The following NAPEPLD variants were observed in gnomAD, a reference collection of about 807,000 sequenced individuals.
The protein encoded by NAPEPLD is N-acyl-phosphatidylethanolamine-hydrolyzing phospholipase D.
Under a neutral mutation model 38.1 loss-of-function variants are expected in NAPEPLD, and 23 were observed. The ratio of observed to expected loss-of-function variants is 0.60; its 90% CI spans 0.43 to 0.86. The LOEUF is 0.86. Ranked by LOEUF, NAPEPLD falls within the 40% of genes least tolerant of loss-of-function variation. The pLI is 0.00. For missense variants in NAPEPLD, 411 were observed against 476.8 expected, an observed-to-expected ratio of 0.86 and a Z score of 1.28; for synonymous variants, 147 against 162.0, an observed-to-expected ratio of 0.91 and a Z score of 0.71.
chr7:103,134,416 G>A (rs552985611), intron 1 of NAPEPLD, among the ~76,000 whole-genome samples: 3 of 152,230 alleles, frequency 2.0e-5, no homozygotes, highest in South Asian at 2.1e-4. Context: ...TTGGCAGGCC[G>A]AGGCAGGTGG....
chr7:103,141,074 TCCC>T, intron 1 of NAPEPLD, among the ~76,000 whole-genome samples: 1 of 151,790 alleles, frequency 6.6e-6, no homozygotes, highest in Admixed American at 6.6e-5. Context: ...ATCATATTGT[TCCC>T]CCCATCTGCT....
chr7:103,114,214 GT>G (rs1188311369), intron 4 of NAPEPLD, among the ~76,000 whole-genome samples: 1 of 152,168 alleles, frequency 6.6e-6, no homozygotes, highest in East Asian at 1.9e-4. Context: ...ACATTTCTAA[GT>G]TTTGTTTAGA....
chr7:103,106,728 T>C (rs200475355), intron 4 of NAPEPLD, among the ~76,000 whole-genome samples: 3 of 147,820 alleles, frequency 2.0e-5, no homozygotes, highest in East Asian at 3.9e-4. Context: ...AGGGCATCTC[T>C]AAAAAAAAAA....
chr7:103,130,985 G>A (rs1012554869), intron 1 of NAPEPLD, among the ~76,000 whole-genome samples: 1 of 152,142 alleles, frequency 6.6e-6, no homozygotes, highest in Admixed American at 6.5e-5. Context: ...ACTTTACAAA[G>A]AGCAGAAACA....
At chr7:103,113,169 C>T (rs1166530434) in intron 4 of NAPEPLD, among the ~76,000 whole-genome samples, 4 of 152,186 alleles carry the variant, frequency 2.6e-5, no homozygotes, top group South Asian at 2.1e-4. Context: ...TGTGCATACA[C>T]GCACACATAT....
At chr7:103,110,077 A>G (rs1804204283) in intron 4 of NAPEPLD, among the ~76,000 whole-genome samples, 1 of 152,242 alleles carries the variant, frequency 6.6e-6, no homozygotes, top group South Asian at 2.1e-4. Context: ...GACGCAATTA[A>G]TAGCCTACCA....
At chr7:103,139,905 C>G (rs35264264) in intron 1 of NAPEPLD, among the ~76,000 whole-genome samples, 8,268 of 152,190 alleles carry the variant, frequency 0.054, 305 homozygotes, top group South Asian at 0.11. Context: ...TCTTGAGGTT[C>G]TAAGGGACTT....
At chr7:103,143,895 G>A (rs1812011807) in intron 1 of NAPEPLD, among the ~76,000 whole-genome samples, 1 of 152,162 alleles carries the variant, frequency 6.6e-6, no homozygotes, top group South Asian at 2.1e-4. Flanking sequence ...TCAACACACT[G>A]CAGCCTTGAA....
chr7:103,135,733 A>T (rs1236928817), intron 1 of NAPEPLD, among the ~76,000 whole-genome samples: 1 of 59,160 alleles, frequency 1.7e-5, no homozygotes, highest in Non-Finnish European at 3.9e-5. Flanking sequence ...AGATATATGT[A>T]CATATAAATC....
intron 4 of NAPEPLD, among the ~76,000 whole-genome samples, chr7:103,104,920 C>T (rs561726221): frequency 6.6e-6 from 1 of 152,276 alleles, no homozygotes; most frequent in South Asian, 2.1e-4. Flanking sequence ...GCTAACAGTA[C>T]ACACTCACAG....
In NAPEPLD at chr7:103,148,863, T is replaced by C. The variant is rs1249740542; in HGVS notation, c.-69A>G. On this transcript the variant is annotated 5_prime_UTR_variant, in exon 1 of 5. Coordinates refer to ENST00000465647, the MANE Select transcript of NAPEPLD (RefSeq NM_001122838.3). Reference sequence around the variant, plus strand: ...CTGGTAATTTGCAGGGAAGATAGGATCTCAAATCCCAGACAGCTACTCTCC... The same window carrying C: ...CTGGTAATTTGCAGGGAAGATAGGACCTCAAATCCCAGACAGCTACTCTCC... The C allele has an allele frequency of 5.1e-6, 5 of 984,996 alleles. No individual in the cohort carries two copies. In the African/African-American group the frequency reaches 8.8e-5, roughly 17 times the overall value. 61.0% of individuals were successfully genotyped at this position (984,996 alleles called of 1,614,324 possible). A position where few individuals can be genotyped will look rare whatever the true frequency, so the allele number is the denominator to read the frequency against.
rs778607512 is a variant in NAPEPLD at position 103,119,818 on chromosome 7, C to T, written c.700G>A (p.Glu234Lys). The change falls in exon 3 of 5, where the codon GAG becomes AAG. Residue 234 changes from glutamate to lysine, a missense_variant. Transcript: ENST00000465647. Reference protein sequence around the residue: ...CENVIELDWWEENCVPGHDKV... With the variant: ...CENVIELDWWKENCVPGHDKV... ...TCATGTCCGGGGACACAATTCTCCTCCCACCAGTCCAACTCAATCACATTC... is the reference window on the plus strand; with the variant it reads ...TCATGTCCGGGGACACAATTCTCCTTCCACCAGTCCAACTCAATCACATTC... 76 of 1,614,008 alleles carry T rather than the reference C, an allele frequency of 4.7e-5. No homozygotes were observed. Among genetic ancestry groups the T allele is most frequent in the Non-Finnish European group, 6.3e-5 (74 of 1,180,050 alleles).
intron 2 of NAPEPLD, among the ~76,000 whole-genome samples, chr7:103,123,324 A>G (rs1180604984): frequency 6.6e-6 from 1 of 152,240 alleles, no homozygotes; most frequent in Admixed American, 6.5e-5. Flanking sequence ...CATGTGCTCA[A>G]CAAAATTTGT....
chr7:103,141,633 G>T, intron 1 of NAPEPLD: 1 of 899,318 alleles, frequency 1.1e-6, no homozygotes, highest in Non-Finnish European at 1.9e-6. Flanking sequence ...AGCAGCCGGT[G>T]CAGAATCCTC....
intron 4 of NAPEPLD, among the ~76,000 whole-genome samples, chr7:103,104,377 A>G (rs950552590): frequency 6.6e-6 from 1 of 152,206 alleles, no homozygotes; most frequent in Non-Finnish European, 1.5e-5. Context: ...TACAGAAGAG[A>G]AGAGGTCCGT....
chr7:103,146,306 C>A (rs1310981773), intron 1 of NAPEPLD, among the ~76,000 whole-genome samples: 1 of 151,564 alleles, frequency 6.6e-6, no homozygotes, highest in African/African-American at 2.4e-5. Context: ...GATTGCCCCA[C>A]CGCACGCTAG....
At chr7:103,134,183 C>A (rs958150604) in intron 1 of NAPEPLD, among the ~76,000 whole-genome samples, 1 of 152,134 alleles carries the variant, frequency 6.6e-6, no homozygotes, top group Non-Finnish European at 1.5e-5. Context: ...GAAAACATTG[C>A]TCTTGATAAT....
At chr7:103,108,091 A>G (rs186566669) in intron 4 of NAPEPLD, among the ~76,000 whole-genome samples, 1 of 151,186 alleles carries the variant, frequency 6.6e-6, no homozygotes, top group East Asian at 1.9e-4. Flanking sequence ...CTCAGCAGAA[A>G]CCCTACAAGC....
chr7:103,140,549 C>A (rs188622437), intron 1 of NAPEPLD, among the ~76,000 whole-genome samples: 1 of 151,914 alleles, frequency 6.6e-6, no homozygotes, highest in Non-Finnish European at 1.5e-5. Context: ...CCCGCCACCA[C>A]GCCCGGCTAA....
Sources: gnomAD v4.1 joint callset for allele counts (sites outside exome capture counted in the v4.1 genomes callset) on GRCh38, gnomAD v4.1.1 for gene constraint, MANE v1.5 for transcripts, NCBI Gene and HGNC (gene_info 2026-07-23, HGNC 2026-07-21) for gene names.